TRRAP: variants seen among roughly 807,000 people sequenced by gnomAD.
TRRAP encodes transformation/transcription domain associated protein, also known as transformation/transcription domain-associated protein.
In TRRAP, 41 loss-of-function variants were observed where a neutral mutation model predicts 438.8. The ratio of observed to expected loss-of-function variants is 0.09; its 90% CI spans 0.07 to 0.12. The LOEUF (loss-of-function observed/expected upper bound fraction) is 0.12. Among genes scored for constraint, TRRAP ranks in the 10% least tolerant of loss-of-function variants. The pLI is 1.00. For synonymous variants in TRRAP, 1,994 were observed against 1,962.9 expected, an observed-to-expected ratio of 1.02 and a Z score of -0.42; for missense variants, 3,122 against 5,055.1, an observed-to-expected ratio of 0.62 and a Z score of 11.60.
chr7:98,912,093 C>A lies in TRRAP; in HGVS notation c.2079C>A (p.Leu693=). The A allele has an allele frequency of 1.9e-6, 3 of 1,614,180 alleles. No homozygotes were observed. Among genetic ancestry groups the A allele is most frequent in the Non-Finnish European group, 1.7e-6 (2 of 1,180,028 alleles). ...ALFATILVEY[L]LDRLPEMGSN... is the part of the protein sequence containing the mutation. The stretch of plus-strand genomic sequence containing the variant: ...TTGCTACGATTCTGGTGGAATATCT[C>A]CTTGATCGCCTGCCAGAAATGGGCT... Residue 693 remains leucine, a synonymous_variant, in exon 18 of 73, where the codon CTC becomes CTA. Transcript: ENST00000456197.
intron 63 of TRRAP, among the ~76,000 whole-genome samples, chr7:98,989,820 A>G (rs1417293624): frequency 6.6e-6 from 1 of 152,252 alleles, no homozygotes; most frequent in African/African-American, 2.4e-5. Context: ...GGATGAGATC[A>G]TGAGTGTAGG....
chr7:98,958,585 C>T (rs1791736861), intron 44 of TRRAP, among the ~76,000 whole-genome samples: 1 of 152,162 alleles, frequency 6.6e-6, no homozygotes, highest in Non-Finnish European at 1.5e-5. Flanking sequence ...CAGGCATGAG[C>T]CACCGTGCCT....
At chr7:98,964,796 G>T (rs780244499) in intron 48 of TRRAP, 21 bp downstream of exon 48, 9 of 1,605,122 alleles carry the variant, frequency 5.6e-6, no homozygotes, top group Non-Finnish European at 5.1e-6. Flanking sequence ...GGCCACCGGG[G>T]GCCTTTCCTC....
At chr7:98,894,191 C>G (rs529339539) in intron 6 of TRRAP, among the ~76,000 whole-genome samples, 1 of 152,324 alleles carries the variant, frequency 6.6e-6, no homozygotes, top group Admixed American at 6.5e-5. Context: ...GATGTGGGCT[C>G]TGAAGCCAGA....
At chr7:98,888,229 CAA>C (rs1169797218) in intron 3 of TRRAP, among the ~76,000 whole-genome samples, 5 of 131,776 alleles carry the variant, frequency 3.8e-5, no homozygotes, top group Non-Finnish European at 3.3e-5. Flanking sequence ...GACTCCATCT[CAA>C]AAAAAAAAAA....
intron 64 of TRRAP, among the ~76,000 whole-genome samples, chr7:98,991,318 G>A (rs766903226): frequency 9.9e-5 from 15 of 152,246 alleles, no homozygotes; most frequent in Non-Finnish European, 1.0e-4. Flanking sequence ...CCGTGAAGGT[G>A]TTCAGGAAGG....
chr7:98,946,084 C>T (rs1791044133), intron 33 of TRRAP, 134 bp downstream of exon 33: 5 of 907,722 alleles, frequency 5.5e-6, no homozygotes, highest in Non-Finnish European at 7.2e-6. Flanking sequence ...TATTGTCTGT[C>T]TGTGGCAGAG....
At chr7:98,988,477 AAC>A (rs1793247518) in intron 62 of TRRAP, among the ~76,000 whole-genome samples, 1 of 152,242 alleles carries the variant, frequency 6.6e-6, no homozygotes. Flanking sequence ...AAACCTCGAA[AAC>A]ACTGTGCTAG....
chr7:98,928,616 C>G (rs1554412089), intron 23 of TRRAP, among the ~76,000 whole-genome samples: 2 of 152,222 alleles, frequency 1.3e-5, no homozygotes, highest in Non-Finnish European at 2.9e-5. Flanking sequence ...CGACTGTTCT[C>G]TGCCATAGCT....
intron 33 of TRRAP, among the ~76,000 whole-genome samples, chr7:98,946,848 T>C (rs1357392518): frequency 2.0e-5 from 3 of 152,202 alleles, no homozygotes; most frequent in African/African-American, 7.2e-5. Context: ...GCTTTGAAAA[T>C]GAAAAAGCAG....
chr7:99,007,343 GT>G (rs986932366), intron 69 of TRRAP, among the ~76,000 whole-genome samples: 3 of 151,746 alleles, frequency 2.0e-5, no homozygotes, highest in South Asian at 4.2e-4. Flanking sequence ...GGCAGAGTCT[GT>G]TTTTTTTTAT....
intron 10 of TRRAP, 145 bp from the exon 11 acceptor site, chr7:98,900,479 G>GT: frequency 1.6e-6 from 1 of 634,696 alleles, no homozygotes; most frequent in Non-Finnish European, 2.7e-6. Flanking sequence ...TGCACGAAAG[G>GT]TGTAGACACC....
intron 23 of TRRAP, among the ~76,000 whole-genome samples, 172 bp downstream of exon 23, chr7:98,927,538 G>A (rs1047572597): frequency 3.3e-5 from 5 of 152,140 alleles, no homozygotes; most frequent in South Asian, 4.2e-4. Flanking sequence ...GTATTTCAGT[G>A]GTGGGCACTA....
chr7:98,952,967 C>T (rs1484961941), intron 39 of TRRAP, among the ~76,000 whole-genome samples, 200 bp from the exon 40 acceptor site: 1 of 145,352 alleles, frequency 6.9e-6, no homozygotes, highest in Non-Finnish European at 1.5e-5. Flanking sequence ...TCTCCTTTCA[C>T]ATATATGTGA....
intron 12 of TRRAP, among the ~76,000 whole-genome samples, chr7:98,905,109 TC>T (rs1796666099): frequency 6.6e-6 from 1 of 152,134 alleles, no homozygotes; most frequent in Admixed American, 6.6e-5. Flanking sequence ...CTGGAGGTGT[TC>T]CCACCTCCCC....
intron 67 of TRRAP, among the ~76,000 whole-genome samples, chr7:99,002,675 G>A (rs1472273806): frequency 6.6e-6 from 1 of 152,058 alleles, no homozygotes; most frequent in Non-Finnish European, 1.5e-5. Flanking sequence ...TGCAGAGGAG[G>A]GAGGTGCCAC....
At chr7:98,968,522 G>A (rs1357241242) in intron 51 of TRRAP, among the ~76,000 whole-genome samples, 2 of 152,236 alleles carry the variant, frequency 1.3e-5, no homozygotes, top group African/African-American at 4.8e-5. Context: ...TTTCCAGCAG[G>A]ATTGTGGTAA....
chr7:98,984,316 C>T lies in TRRAP; in HGVS notation c.9246C>T (p.Tyr3082=), dbSNP rs940648970. The T allele has an allele frequency of 6.2e-7, 1 of 1,602,184 alleles. No individual in the cohort carries two copies. Among genetic ancestry groups the T allele is most frequent in the African/African-American group, 1.3e-5 (1 of 74,534 alleles). Reference sequence around the variant, plus strand: ...AGATTCGACAGCAAGTTAAATGCTACCTCCAGCTGGCAGGCGTCATGGGCA... The same window carrying T: ...AGATTCGACAGCAAGTTAAATGCTATCTCCAGCTGGCAGGCGTCATGGGCA... The part of the protein sequence containing the change: ...FQKIRQQVKC[Y]LQLAGVMGKN... The change falls in exon 61 of 73, where the codon TAC becomes TAT. Residue 3082 remains tyrosine, a synonymous_variant. Coordinates refer to ENST00000456197, the MANE Select transcript of TRRAP (RefSeq NM_001375524.1).
intron 19 of TRRAP, 83 bp downstream of exon 19, chr7:98,915,971 C>T: frequency 6.5e-7 from 1 of 1,543,542 alleles, no homozygotes; most frequent in Non-Finnish European, 8.8e-7. Flanking sequence ...TGGGTTTCAT[C>T]CTCTGTAACT....
Sources: gnomAD v4.1 joint callset for allele counts (sites outside exome capture counted in the v4.1 genomes callset) on GRCh38, gnomAD v4.1.1 for gene constraint, MANE v1.5 for transcripts, NCBI Gene and HGNC (gene_info 2026-07-23, HGNC 2026-07-21) for gene names.